The following ELAVL2 variants were observed in gnomAD, a reference collection of about 807,000 sequenced individuals.
The protein encoded by ELAVL2 is ELAV-like protein 2.
In ELAVL2, 4 loss-of-function variants were observed where a neutral mutation model predicts 34.6. That is an observed-to-expected ratio of 0.12 (90% CI 0.06 to 0.26). The LOEUF is 0.26. Ranked by LOEUF, ELAVL2 falls within the 10% of genes least tolerant of loss-of-function variation. ELAVL2 has a pLI of 1.00. For synonymous variants in ELAVL2, 193 were observed against 154.8 expected, an observed-to-expected ratio of 1.25 and a Z score of -1.83; for missense variants, 432 against 442.8, an observed-to-expected ratio of 0.98 and a Z score of 0.22.
intron 1 of ELAVL2, among the ~76,000 whole-genome samples, chr9:23,802,014 C>T (rs1228265470): frequency 6.6e-6 from 1 of 152,142 alleles, no homozygotes; most frequent in African/African-American, 2.4e-5. Context: ...GATTGTTTAT[C>T]TGTTTCGTTT....
chr9:23,718,283 A>C (rs10966041), intron 3 of ELAVL2, among the ~76,000 whole-genome samples: 2 of 152,080 alleles, frequency 1.3e-5, no homozygotes, highest in African/African-American at 2.4e-5. Flanking sequence ...TTTAAAACAC[A>C]ATCTGCAAGC....
intron 1 of ELAVL2, among the ~76,000 whole-genome samples, chr9:23,794,311 C>A (rs1428930641): frequency 6.6e-6 from 1 of 152,182 alleles, no homozygotes; most frequent in African/African-American, 2.4e-5. Flanking sequence ...TCCTAGAACA[C>A]TGAGTGCCCA....
Position 23,692,550 on chromosome 9 carries a change from G to C in ELAVL2, c.*7C>G, listed in dbSNP as rs549353885. The C allele has an allele frequency of 1.9e-6, 3 of 1,607,482 alleles. No individual in the cohort carries two copies. Among genetic ancestry groups the C allele is most frequent in the African/African-American group, 1.3e-5 (1 of 74,824 alleles). ...TCATATATAAATGGACTGAGGACAA[G>C]AGCTCATTAGGCTTTGTGCGTTTTG... On this transcript the variant is annotated 3_prime_UTR_variant, in exon 7 of 7. Transcript: ENST00000397312.
Position 23,762,008 on chromosome 9 carries a change from G to A in ELAVL2, c.227C>T (p.Thr76Ile). The change falls in exon 2 of 7, where the codon ACA (threonine) becomes ATA (isoleucine). Residue 76 changes from threonine to isoleucine, a missense_variant and splice_region_variant. Coordinates refer to ENST00000397312, the MANE Select transcript of ELAVL2 (RefSeq NM_004432.5). ...ATCATCTACATAAAACTGCTTACCTGTTATTTTGTCTCTTACAAGCTTACA... is the reference window on the plus strand; with the variant it reads ...ATCATCTACATAAAACTGCTTACCTATTATTTTGTCTCTTACAAGCTTACA... ...ESCKLVRDKI[T>I]GQSLGYGFVN... 6.2e-7 allele frequency: 1 copy of A among 1,610,678 alleles called. No homozygotes were observed. The highest frequency in any genetic ancestry group is 2.2e-5 in the East Asian group (1 of 44,806).
chr9:23,807,535 C>A (rs2062398592), intron 1 of ELAVL2, among the ~76,000 whole-genome samples: 1 of 151,878 alleles, frequency 6.6e-6, no homozygotes, highest in Non-Finnish European at 1.5e-5. Context: ...AAGTCTCTTC[C>A]ACTCCAACAA....
At chr9:23,788,613 G>A (rs937502940) in intron 1 of ELAVL2, among the ~76,000 whole-genome samples, 4 of 152,108 alleles carry the variant, frequency 2.6e-5, no homozygotes, top group Admixed American at 2.0e-4. Context: ...TCTTTAAGTC[G>A]AGAACTTTCA....
intron 1 of ELAVL2, among the ~76,000 whole-genome samples, chr9:23,782,564 T>G (rs1395459887): frequency 1.3e-5 from 2 of 152,038 alleles, no homozygotes; most frequent in Non-Finnish European, 2.9e-5. Flanking sequence ...AGAGCAAGAC[T>G]GTCTCCAAAA....
chr9:23,701,277 A>C, intron 5 of ELAVL2, 102 bp downstream of exon 5: 1 of 1,310,270 alleles, frequency 7.6e-7, no homozygotes, highest in African/African-American at 1.5e-5. Context: ...AACAACACTG[A>C]CAAAAGCAAA....
At chr9:23,818,551 A>T (rs890781738) in intron 1 of ELAVL2, among the ~76,000 whole-genome samples, 1 of 152,156 alleles carries the variant, frequency 6.6e-6, no homozygotes, top group African/African-American at 2.4e-5. Flanking sequence ...GTAGCCAAGA[A>T]ACAAAGAGCT....
intron 1 of ELAVL2, among the ~76,000 whole-genome samples, chr9:23,787,130 A>G (rs1297522130): frequency 1.3e-5 from 2 of 152,214 alleles, no homozygotes; most frequent in Admixed American, 1.3e-4. Flanking sequence ...AAGGAAGACA[A>G]CATTGTTGGA....
At chr9:23,716,710 T>C (rs3793574) in intron 3 of ELAVL2, among the ~76,000 whole-genome samples, 26,118 of 152,194 alleles carry the variant, frequency 0.17, 2,763 homozygotes, top group South Asian at 0.38. Flanking sequence ...AGGAAATGTA[T>C]AGTTAAGAAA....
the ELAVL2 span, among the ~76,000 whole-genome samples, chr9:23,850,397 T>G: frequency 6.6e-6 from 1 of 152,040 alleles, no homozygotes; most frequent in Non-Finnish European, 1.5e-5. Context: ...GAGGCATTCA[T>G]CCACTTGAGG....
intron 3 of ELAVL2, among the ~76,000 whole-genome samples, chr9:23,720,128 A>G (rs2043290098): frequency 6.6e-6 from 1 of 151,770 alleles, no homozygotes; most frequent in African/African-American, 2.4e-5. Context: ...CGCCTGGCTC[A>G]AAAGCCACTT....
chr9:23,767,499 G>C (rs1398333751), intron 1 of ELAVL2, among the ~76,000 whole-genome samples: 2 of 152,124 alleles, frequency 1.3e-5, no homozygotes, highest in East Asian at 3.9e-4. Context: ...ATCTTAAATA[G>C]GCCAGACTCG....
chr9:23,784,867 G>C (rs1424549315), intron 1 of ELAVL2, among the ~76,000 whole-genome samples: 1 of 152,172 alleles, frequency 6.6e-6, no homozygotes, highest in Non-Finnish European at 1.5e-5. Flanking sequence ...GGAAAAATAA[G>C]TAGACTTGGG....
At chr9:23,747,832 G>A (rs2050878336) in intron 2 of ELAVL2, among the ~76,000 whole-genome samples, 1 of 152,144 alleles carries the variant, frequency 6.6e-6, no homozygotes, top group African/African-American at 2.4e-5. Flanking sequence ...CAGTCACTAA[G>A]TGTGGAATGA....
At chr9:23,725,824 T>G (rs1055878557) in intron 3 of ELAVL2, among the ~76,000 whole-genome samples, 2 of 152,136 alleles carry the variant, frequency 1.3e-5, no homozygotes, top group African/African-American at 4.8e-5. Flanking sequence ...GTTTAAAAAG[T>G]TAACATTTCT....
At chr9:23,765,088 T>G (rs1437072555) in intron 1 of ELAVL2, 2 of 1,602,668 alleles carry the variant, frequency 1.2e-6, no homozygotes, top group East Asian at 2.2e-5. Context: ...CATGTTAGTT[T>G]GGAGTTGCCG....
At position 23,786,784 on chromosome 9, in the gene ELAVL2, A is replaced by C. The variant is rs977870996; in HGVS notation, c.-15-24535T>G. 4.6e-4 allele frequency among the ~76,000 whole-genome samples: 37 copies of C among 81,042 alleles called. No homozygotes were observed. The South Asian group carries it at 5.5e-3, about 12-fold the overall frequency. 53.2% of individuals were successfully genotyped at this position (81,042 alleles called of 152,430 possible). ...TCTCAGTAACAGATTTTAGTGGCAA[A>C]AAAAAAAAAAAAAAAAAAAGAGAGA... On this transcript the variant is annotated intron_variant, in intron 1 of 6. Coordinates refer to ENST00000397312, the MANE Select transcript of ELAVL2 (RefSeq NM_004432.5).
Sources: gnomAD v4.1 joint callset for allele counts (sites outside exome capture counted in the v4.1 genomes callset) on GRCh38, gnomAD v4.1.1 for gene constraint, MANE v1.5 for transcripts, NCBI Gene and HGNC (gene_info 2026-07-23, HGNC 2026-07-21) for gene names.